Variants in TTLL6 observed in about 807,000 individuals in gnomAD.
The protein encoded by TTLL6 is tubulin polyglutamylase TTLL6.
Under a neutral mutation model 96.4 loss-of-function variants are expected in TTLL6, and 75 were observed. The observed-to-expected ratio is 0.78, with a 90% confidence interval of 0.65 to 0.94. TTLL6 has a LOEUF of 0.94. TTLL6 is among the 40% of genes least tolerant of loss of function. The probability of loss-of-function intolerance (pLI) is 0.00; values close to 1 mark genes in which losing one functional copy is unlikely to be tolerated. For synonymous variants in TTLL6, 411 were observed against 419.4 expected (o/e 0.98, Z 0.24); for missense variants, 1,030 against 1,093.0 (o/e 0.94, Z 0.81).
chr17:48,784,263 G>A (rs1431236214), intron 13 of TTLL6, among the ~76,000 whole-genome samples: 3 of 151,464 alleles, frequency 2.0e-5, no homozygotes, highest in Admixed American at 6.6e-5. Context: ...AAATTAGCCC[G>A]GCATGGTGGT....
chr17:48,804,519 G>T, intron 2 of TTLL6: 1 of 634,954 alleles, frequency 1.6e-6, no homozygotes. Context: ...TTTTTTAAAG[G>T]CATCCTAAAC....
chr17:48,763,997 A>G (rs2038541313), intron 15 of TTLL6, among the ~76,000 whole-genome samples: 1 of 151,814 alleles, frequency 6.6e-6, no homozygotes, highest in African/African-American at 2.4e-5. Flanking sequence ...TTAGCCAGGC[A>G]TGGTGACAAG....
chr17:48,775,831 G>T (rs771329553), intron 13 of TTLL6, among the ~76,000 whole-genome samples: 1 of 152,028 alleles, frequency 6.6e-6, no homozygotes, highest in Non-Finnish European at 1.5e-5. Context: ...GTGAGCCACT[G>T]CACCTAGCCT....
intron 13 of TTLL6, among the ~76,000 whole-genome samples, chr17:48,777,456 C>A (rs926057939): frequency 6.6e-6 from 1 of 151,148 alleles, no homozygotes; most frequent in South Asian, 2.1e-4. Flanking sequence ...TTAGGCTGGG[C>A]GTGGTGGCTC....
intron 14 of TTLL6, among the ~76,000 whole-genome samples, chr17:48,769,511 C>A (rs530988098): frequency 6.6e-6 from 1 of 152,358 alleles, no homozygotes; most frequent in East Asian, 1.9e-4. Flanking sequence ...AAGAAGGGAA[C>A]TGGACAGCAA....
chr17:48,797,069 C>CT lies in TTLL6; in HGVS notation c.903dup (p.Asp302ArgfsTer5). 6.4e-7 allele frequency: 1 copy of CT among 1,550,734 alleles called. No homozygotes were observed. The highest frequency in any genetic ancestry group is 8.7e-7 in the Non-Finnish European group (1 of 1,146,616). On this transcript the variant is annotated frameshift_variant, in exon 7 of 16. Coordinates refer to ENST00000393382, the MANE Select transcript of TTLL6 (RefSeq NM_001130918.3). LOFTEE classifies it high-confidence loss of function. ...GTGTCTCCTTAGCTCACCAGGTTGT[C>CT]TGTGCAAGGGCGGGAGTAAGAGGTC... is the stretch of plus-strand genomic sequence containing the variant.
chr17:48,807,538 G>C lies in TTLL6; in HGVS notation c.104-2547C>G, dbSNP rs116766214. Among the ~76,000 whole-genome samples, 1,274 of 152,242 alleles carry C rather than the reference G, an allele frequency of 8.4e-3. 19 individuals carry two copies. Among genetic ancestry groups the C allele is most frequent in the African/African-American group, 0.029 (1,219 of 41,536 alleles). On this transcript the variant is annotated intron_variant, in intron 1 of 15. Coordinates refer to ENST00000393382, the MANE Select transcript of TTLL6 (RefSeq NM_001130918.3). Reference sequence around the variant, plus strand: ...GTTTTTTGGTTTGTTTTGAGACAGAGTCTTGCTTTGTCGCCCAGGCTGAAG... The same window carrying C: ...GTTTTTTGGTTTGTTTTGAGACAGACTCTTGCTTTGTCGCCCAGGCTGAAG...
At chr17:48,807,030 CA>C (rs763010718) in intron 1 of TTLL6, among the ~76,000 whole-genome samples, 46 of 146,066 alleles carry the variant, frequency 3.1e-4, no homozygotes, top group East Asian at 1.2e-3. Context: ...GACTCCGTCT[CA>C]AAAAAAAAAT....
At chr17:48,814,318 CAAAAAAAAAAAA>C (rs398030988) in intron 1 of TTLL6, among the ~76,000 whole-genome samples, 1 of 52,856 alleles carries the variant, frequency 1.9e-5, no homozygotes, top group Admixed American at 2.6e-4. Context: ...GACAGTGTCT[CAAAAAAAAAAAA>C]AAAAAAAAAA....
intron 2 of TTLL6, chr17:48,804,548 A>C: frequency 1.5e-6 from 1 of 666,726 alleles, no homozygotes; most frequent in Non-Finnish European, 2.8e-6. Flanking sequence ...AATGAAAATT[A>C]GGACAAGGCA....
At chr17:48,816,805 G>A (rs2039673794) in intron 1 of TTLL6, among the ~76,000 whole-genome samples, 165 bp downstream of exon 1, 1 of 152,206 alleles carries the variant, frequency 6.6e-6, no homozygotes, top group African/African-American at 2.4e-5. Context: ...GGGACCGTGA[G>A]GGTGAGTGCC....
chr17:48,779,240 A>C (rs545448891), intron 13 of TTLL6, among the ~76,000 whole-genome samples: 1 of 150,970 alleles, frequency 6.6e-6, no homozygotes, highest in Non-Finnish European at 1.5e-5. Flanking sequence ...TTCAAATTTA[A>C]AAGACAGGGA....
intron 8 of TTLL6, 97 bp from the exon 9 acceptor site, chr17:48,791,700 G>A: frequency 9.4e-7 from 1 of 1,058,496 alleles, no homozygotes. Flanking sequence ...CGGAGACAAG[G>A]CTCCAGAGCC....
At chr17:48,769,395 CT>C in intron 14 of TTLL6, 141 bp from the exon 15 acceptor site, 1 of 1,070,758 alleles carries the variant, frequency 9.3e-7, no homozygotes, top group South Asian at 1.7e-5. Flanking sequence ...GCCATTGCTC[CT>C]TTTCTCCAAA....
chr17:48,767,873 A>C (rs1354155914), intron 15 of TTLL6, among the ~76,000 whole-genome samples: 1 of 152,120 alleles, frequency 6.6e-6, no homozygotes, highest in African/African-American at 2.4e-5. Flanking sequence ...CTGTCCCCTC[A>C]GCACACTCCA....
At chr17:48,791,641 G>T in intron 8 of TTLL6, 38 bp from the exon 9 acceptor site, 1 of 1,541,202 alleles carries the variant, frequency 6.5e-7, no homozygotes, top group Non-Finnish European at 8.9e-7. Context: ...AGTGTAGCTG[G>T]CTTCTGGTCA....
intron 15 of TTLL6, 118 bp from the exon 16 acceptor site, chr17:48,763,091 T>G: frequency 2.8e-6 from 1 of 363,536 alleles, no homozygotes; most frequent in South Asian, 2.2e-5. Context: ...TTAGGTGACT[T>G]ATATCTGTAG....
intron 15 of TTLL6, among the ~76,000 whole-genome samples, chr17:48,766,662 G>C (rs772757705): frequency 6.6e-6 from 1 of 152,116 alleles, no homozygotes; most frequent in Admixed American, 6.6e-5. Flanking sequence ...CCAGGATTTC[G>C]AGAACAACTT....
chr17:48,801,168 G>C (rs1024344208), intron 5 of TTLL6, 87 bp downstream of exon 5: 3 of 1,279,100 alleles, frequency 2.3e-6, no homozygotes, highest in African/African-American at 1.5e-5. Flanking sequence ...TATGGGCAGG[G>C]AAAGTGGCAA....
Sources: gnomAD v4.1 joint callset for allele counts (sites outside exome capture counted in the v4.1 genomes callset) on GRCh38, gnomAD v4.1.1 for gene constraint, MANE v1.5 for transcripts, NCBI Gene and HGNC (gene_info 2026-07-23, HGNC 2026-07-21) for gene names.